BICRA: variants seen among roughly 807,000 people sequenced by gnomAD.
BICRA encodes the protein BRD4-interacting chromatin-remodeling complex-associated protein.
BICRA carries 31 observed loss-of-function variants against 96.9 expected under a neutral mutation model. That is an observed-to-expected ratio of 0.32 (90% CI 0.24 to 0.43). The LOEUF (loss-of-function observed/expected upper bound fraction) is 0.43, where lower values mean the gene tolerates loss of function less well. BICRA is among the 20% of genes least tolerant of loss of function. BICRA has a pLI of 1.00. For missense variants in BICRA, 2,283 were observed against 2,190.3 expected, an observed-to-expected ratio of 1.04 and a Z score of -0.84; for synonymous variants, 1,350 against 1,071.8, an observed-to-expected ratio of 1.26 and a Z score of -5.07.
At chr19:47,612,484 CCT>C (rs1971923228) in intron 1 of BICRA, among the ~76,000 whole-genome samples, 1 of 151,948 alleles carries the variant, frequency 6.6e-6, no homozygotes, top group African/African-American at 2.4e-5. Context: ...AGAAGAATTC[CCT>C]GTGGTCTGGG....
chr19:47,677,588 T>G (rs1358019673), intron 5 of BICRA, among the ~76,000 whole-genome samples: 4 of 152,132 alleles, frequency 2.6e-5, no homozygotes, highest in Non-Finnish European at 5.9e-5. Flanking sequence ...CCCGGCTGCT[T>G]GGGAGGCTAA....
intron 1 of BICRA, among the ~76,000 whole-genome samples, chr19:47,625,085 C>T (rs1473413360): frequency 1.3e-5 from 2 of 149,216 alleles, no homozygotes; most frequent in Non-Finnish European, 3.0e-5. Context: ...CTGCAACCTC[C>T]ACCTCCTGGG....
upstream of BICRA, chr19:47,608,393 G>C (rs1971840708): frequency 6.6e-6 from 1 of 152,460 alleles, no homozygotes; most frequent in South Asian, 2.1e-4. Context: ...ACCTCCGGGG[G>C]GAACTCCCCT....
intron 2 of BICRA, among the ~76,000 whole-genome samples, chr19:47,671,251 T>C (rs1029185759): frequency 2.6e-5 from 4 of 152,110 alleles, no homozygotes; most frequent in African/African-American, 9.7e-5. Context: ...GGGGTGGCAC[T>C]AAGGAGGCCC....
chr19:47,677,532 A>G (rs1972959944), intron 5 of BICRA, among the ~76,000 whole-genome samples: 1 of 152,012 alleles, frequency 6.6e-6, no homozygotes. Flanking sequence ...CCCTGTCTCT[A>G]CCAAAAATAC....
chr19:47,649,917 A>T lies in BICRA; in HGVS notation c.-107-20526A>T, dbSNP rs1272474931. Among the ~76,000 whole-genome samples the T allele has an allele frequency of 2.0e-5, 3 of 151,852 alleles. No individual in the cohort carries two copies. In the East Asian group the frequency reaches 5.8e-4, roughly 29 times the overall value. On this transcript the variant is annotated intron_variant, in intron 1 of 14. Transcript: ENST00000594866. ...TTTAGGTTAGTGTAAAAGTAATTAGATTTTTTGCCATTAAGTGCAAAAGTA... is the reference window on the plus strand; with the variant it reads ...TTTAGGTTAGTGTAAAAGTAATTAGTTTTTTTGCCATTAAGTGCAAAAGTA...
intron 1 of BICRA, among the ~76,000 whole-genome samples, chr19:47,644,444 CTCCCTCCCTCCT>C (rs1972429111): frequency 3.5e-5 from 5 of 141,402 alleles, no homozygotes; most frequent in East Asian, 2.2e-4. Context: ...CCCTTCCTCC[CTCCCTCCCTCCT>C]TCCCCTCCCC....
intron 4 of BICRA, among the ~76,000 whole-genome samples, chr19:47,674,280 G>A (rs1047729735): frequency 6.6e-6 from 1 of 152,164 alleles, no homozygotes; most frequent in Non-Finnish European, 1.5e-5. Context: ...AAACTAGTAG[G>A]AGGTGAGACT....
Position 47,702,220 on chromosome 19 carries a change from G to C in BICRA, c.4488G>C (p.Thr1496=). The C allele has an allele frequency of 6.3e-7, 1 of 1,598,336 alleles. No homozygotes were observed. Among genetic ancestry groups the C allele is most frequent in the Non-Finnish European group, 8.5e-7 (1 of 1,177,510 alleles). ...CCAGCGACAGCCCGCAGGATGACAC[G>C]CTCACCGAGCACCTGCAGAGCGCCA... is the stretch of plus-strand genomic sequence containing the variant. ...SFSSDSPQDD[T]LTEHLQSAID... Residue 1496 remains threonine (T), a synonymous_variant, in exon 15 of 15, where the codon ACG becomes ACC. Transcript: ENST00000594866.
intron 4 of BICRA, among the ~76,000 whole-genome samples, chr19:47,674,271 A>G (rs1380307766): frequency 8.4e-6 from 1 of 119,378 alleles, no homozygotes; most frequent in Non-Finnish European, 1.8e-5. Flanking sequence ...CTGAAGGGAA[A>G]ACTAGTAGGA....
intron 1 of BICRA, among the ~76,000 whole-genome samples, chr19:47,620,680 A>C (rs1282971194): frequency 6.0e-5 from 9 of 150,822 alleles, no homozygotes; most frequent in Non-Finnish European, 1.3e-4. Context: ...AAAAAAAAAA[A>C]AAAAAAAAAC....
At position 47,699,834 on chromosome 19, in the gene BICRA, C is replaced by T. The variant is rs575324913; in HGVS notation, c.3595+429C>T. On this transcript the variant is annotated intron_variant, in intron 14 of 14. Transcript: ENST00000594866. The surrounding 1 kb of genome is among the most constrained non-coding windows in gnomAD (Gnocchi z 5.0). The stretch of plus-strand genomic sequence containing the variant: ...TGGCCTCACTCTAGTCTCCTGTCTG[C>T]AGGAAACGGTACAGGCAGATCCCAG... The T allele has an allele frequency of 3.9e-5, 7 of 180,414 alleles. No individual in the cohort carries two copies. Among genetic ancestry groups the T allele is most frequent in the Admixed American group, 2.2e-4 (4 of 18,548 alleles). 11.2% of individuals were successfully genotyped at this position (180,414 alleles called of 1,614,324 possible).
chr19:47,608,443 T>G (rs1971841505), upstream of BICRA: 1 of 152,156 alleles, frequency 6.6e-6, no homozygotes, highest in South Asian at 2.1e-4. Context: ...TCCCGCTATC[T>G]TTTCGGACCT....
rs566768727 is a variant in BICRA, at chr19:47,694,641, C to A, written c.2810C>A (p.Pro937Gln). ...GTCCCTGAGCCGGCAGCACCCCCCC[C>A]ACCGCCTCCTCGGACCTTCCAGATG... ...HLVPEPAAPP[P>Q]PPPRTFQMVT... The change falls in exon 8 of 15, where the codon CCA becomes CAA. Residue 937 changes from proline to glutamine, a missense_variant. Physicochemically the swap from Pro to Gln is moderately conservative, Grantham distance 76. Coordinates refer to ENST00000594866, the MANE Select transcript of BICRA (RefSeq NM_001394372.1). 126 of 1,578,696 alleles carry A rather than the reference C, an allele frequency of 8.0e-5. No homozygotes were observed. Among genetic ancestry groups the A allele is most frequent in the Middle Eastern group, 1.7e-4 (1 of 6,022 alleles).
chr19:47,645,008 A>C (rs1031060375), intron 1 of BICRA, among the ~76,000 whole-genome samples: 5 of 152,168 alleles, frequency 3.3e-5, no homozygotes, highest in African/African-American at 1.2e-4. Context: ...CCATTCTCTT[A>C]TGTAACCACA....
Position 47,694,960 on chromosome 19 carries a change from T to C in BICRA, c.2956T>C (p.Ser986Pro). The change falls in exon 9 of 15, where the codon TCC becomes CCC. Residue 986 changes from serine (S) to proline (P), a missense_variant. Coordinates refer to ENST00000594866, the MANE Select transcript of BICRA (RefSeq NM_001394372.1). ...GGGGGCCCCTGCCGCCCCGCAGACC[T>C]CCACCAGCCTGGGGCCCCTCACCAG... Reference protein sequence around the residue: ...AGGAPAAPQTSTSLGPLTSPA... With the variant: ...AGGAPAAPQTPTSLGPLTSPA... The C allele has an allele frequency of 6.5e-7, 1 of 1,547,164 alleles. No homozygotes were observed.
intron 2 of BICRA, among the ~76,000 whole-genome samples, chr19:47,671,836 A>G (rs1448346058): frequency 1.6e-5 from 2 of 122,182 alleles, no homozygotes; most frequent in Admixed American, 8.3e-5. Flanking sequence ...AGGTGGATGG[A>G]TGGAAGGATG....
At position 47,699,558 on chromosome 19, in the gene BICRA, G is replaced by A. The variant is rs1973408238; in HGVS notation, c.3595+153G>A. Among the ~76,000 whole-genome samples the A allele has an allele frequency of 6.6e-6, 1 of 152,014 alleles. No individual in the cohort carries two copies. The highest frequency in any genetic ancestry group is 2.1e-4 in the South Asian group (1 of 4,818). Reference sequence around the variant, plus strand: ...GCTCCACCTTCCTGCTGGCAGCTGTGCCTCCCCTGACCTCCCGCCTCTCAG... The same window carrying A: ...GCTCCACCTTCCTGCTGGCAGCTGTACCTCCCCTGACCTCCCGCCTCTCAG... On this transcript the variant is annotated intron_variant, in intron 14 of 14. Transcript: ENST00000594866. This position sits in a 1 kb window ranked among gnomAD's most constrained non-coding sequence, Gnocchi z 5.0.
rs1301216159 is a variant in BICRA, at chr19:47,687,353, ATTC to A, written c.2283+5204_2283+5206del. Among the ~76,000 whole-genome samples the A allele has an allele frequency of 2.6e-5, 4 of 152,304 alleles. No individual in the cohort carries two copies. The East Asian group carries it at 7.7e-4, about 29-fold the overall frequency. On this transcript the variant is annotated intron_variant, in intron 7 of 14. Transcript: ENST00000594866. ...TCAACTGTTTAAAAATGTAAAAATTATTCTTGGCTTGTGGGCTATAGTTTGCCT... is the reference window on the plus strand; with the variant it reads ...TCAACTGTTTAAAAATGTAAAAATTATTGGCTTGTGGGCTATAGTTTGCCT...
Sources: gnomAD v4.1 joint callset for allele counts (sites outside exome capture counted in the v4.1 genomes callset) on GRCh38, gnomAD v4.1.1 for gene constraint, Gnocchi (gnomAD v3.1) non-coding constraint, MANE v1.5 for transcripts, NCBI Gene and HGNC (gene_info 2026-07-23, HGNC 2026-07-21) for gene names.